Variants in RBMS3 observed in about 807,000 individuals in gnomAD.
RBMS3 encodes RNA binding motif single stranded interacting protein 3, also known as RNA-binding motif, single-stranded-interacting protein 3.
A neutral mutation model predicts 66.8 loss-of-function variants in RBMS3; 27 were observed. The observed-to-expected ratio is 0.40, with a 90% CI of 0.30 to 0.56. RBMS3 has a LOEUF of 0.56. RBMS3 is among the 20% of genes least tolerant of loss of function. The pLI is 0.40. For synonymous variants in RBMS3, 188 were observed against 183.0 expected, an observed-to-expected ratio of 1.03 and a Z score of -0.22; for missense variants, 513 against 549.5, an observed-to-expected ratio of 0.93 and a Z score of 0.66.
intron 4 of RBMS3, among the ~76,000 whole-genome samples, chr3:29,664,991 G>A (rs2050697294): frequency 6.6e-6 from 1 of 152,084 alleles, no homozygotes; most frequent in South Asian, 2.1e-4. Flanking sequence ...AAGCCCAATA[G>A]GAATGGGAAG....
chr3:29,405,383 G>C (rs367768598), intron 1 of RBMS3, among the ~76,000 whole-genome samples: 1 of 152,116 alleles, frequency 6.6e-6, no homozygotes, highest in Non-Finnish European at 1.5e-5. Context: ...ATACTTTTAA[G>C]AATTCTTTAT....
intron 8 of RBMS3, among the ~76,000 whole-genome samples, chr3:29,893,282 A>C (rs2060047785): frequency 6.6e-6 from 1 of 151,300 alleles, no homozygotes; most frequent in South Asian, 2.1e-4. Flanking sequence ...AATGCATTAA[A>C]TTTTCCCCCA....
intron 2 of RBMS3, among the ~76,000 whole-genome samples, chr3:29,466,070 T>C (rs1456687780): frequency 1.3e-5 from 2 of 152,016 alleles, no homozygotes; most frequent in African/African-American, 2.4e-5. Context: ...TCTGTGGTCA[T>C]TCTGGAAGTC....
intron 1 of RBMS3, among the ~76,000 whole-genome samples, chr3:29,343,094 A>G (rs1044663972): frequency 2.0e-5 from 3 of 152,160 alleles, no homozygotes; most frequent in African/African-American, 4.8e-5. Flanking sequence ...ATAAAACTCA[A>G]TTCAGTAATA....
intron 6 of RBMS3, among the ~76,000 whole-genome samples, chr3:29,785,165 A>G (rs1281224515): frequency 6.6e-6 from 1 of 152,120 alleles, no homozygotes; most frequent in Non-Finnish European, 1.5e-5. Flanking sequence ...AAATCAATCT[A>G]TAAAGCCAGT....
At chr3:29,648,948 A>G (rs563523829) in intron 4 of RBMS3, among the ~76,000 whole-genome samples, 7 of 152,246 alleles carry the variant, frequency 4.6e-5, no homozygotes, top group African/African-American at 1.7e-4. Flanking sequence ...TCCCCTCAGA[A>G]CCAATGCAAC....
chr3:29,305,872 T>G (rs1320151925), intron 1 of RBMS3, among the ~76,000 whole-genome samples: 1 of 152,018 alleles, frequency 6.6e-6, no homozygotes, highest in African/African-American at 2.4e-5. Flanking sequence ...TAAAACTACC[T>G]GAAGGAAGTT....
At chr3:29,817,812 A>G (rs1490967861) in intron 6 of RBMS3, among the ~76,000 whole-genome samples, 2 of 152,018 alleles carry the variant, frequency 1.3e-5, no homozygotes, top group East Asian at 1.9e-4. Context: ...ATAGAATATT[A>G]TAAAAAAAAC....
At chr3:29,630,257 G>A (rs1021354997) in intron 4 of RBMS3, among the ~76,000 whole-genome samples, 1 of 152,080 alleles carries the variant, frequency 6.6e-6, no homozygotes, top group African/African-American at 2.4e-5. Flanking sequence ...TTTTAATTCT[G>A]TCGTACAGCA....
intron 10 of RBMS3, among the ~76,000 whole-genome samples, chr3:29,933,424 CTAAGT>C (rs1358896921): frequency 3.9e-5 from 6 of 152,060 alleles, no homozygotes; most frequent in Non-Finnish European, 8.8e-5. Flanking sequence ...CTAAACCTCT[CTAAGT>C]TGTCTGTCCC....
intron 7 of RBMS3, among the ~76,000 whole-genome samples, chr3:29,877,658 C>T (rs767723996): frequency 1.3e-5 from 2 of 152,144 alleles, no homozygotes; most frequent in Non-Finnish European, 2.9e-5. Flanking sequence ...ATCCCTTTAG[C>T]AGGTGAGAGC....
intron 4 of RBMS3, among the ~76,000 whole-genome samples, chr3:29,647,359 G>A (rs540759301): frequency 1.2e-4 from 19 of 152,118 alleles, no homozygotes; most frequent in Non-Finnish European, 2.6e-4. Context: ...TTAACACTTT[G>A]TGGATACTGC....
intron 4 of RBMS3, among the ~76,000 whole-genome samples, chr3:29,637,324 A>T (rs968203163): frequency 6.6e-6 from 1 of 151,632 alleles, no homozygotes. Flanking sequence ...CCATATAGAA[A>T]CCTTAGTTGA....
At chr3:29,571,463 CAG>C (rs1311382734) in intron 3 of RBMS3, among the ~76,000 whole-genome samples, 11 of 152,066 alleles carry the variant, frequency 7.2e-5, no homozygotes, top group African/African-American at 2.7e-4. Context: ...TGGTGAGAGA[CAG>C]GGGTCAAGTC....
intron 1 of RBMS3, among the ~76,000 whole-genome samples, chr3:29,366,284 C>G (rs1471119899): frequency 6.6e-6 from 1 of 152,182 alleles, no homozygotes; most frequent in Non-Finnish European, 1.5e-5. Context: ...GCCATGCAGA[C>G]ATTACCCAAA....
intron 5 of RBMS3, among the ~76,000 whole-genome samples, chr3:29,746,713 C>G (rs2054911775): frequency 6.6e-6 from 1 of 152,054 alleles, no homozygotes; most frequent in African/African-American, 2.4e-5. Flanking sequence ...TTTCAAAACC[C>G]TAACTAACCA....
At chr3:29,327,920 G>GAAATA (rs2035433534) in intron 1 of RBMS3, among the ~76,000 whole-genome samples, 1 of 152,198 alleles carries the variant, frequency 6.6e-6, no homozygotes, top group Non-Finnish European at 1.5e-5. Context: ...TTTTGAGGAT[G>GAAATA]AAATAAAGTG....
In RBMS3 at chr3:29,882,060, C is replaced by T. The variant is rs866247504; in HGVS notation, c.745-2102C>T. 7.8e-4 allele frequency among the ~76,000 whole-genome samples: 119 copies of T among 152,198 alleles called. 1 individual carries two copies. The highest frequency in any genetic ancestry group is 2.6e-3 in the African/African-American group (110 of 41,528). On this transcript the variant is annotated intron_variant, in intron 7 of 14. Transcript: ENST00000383767. ...ACCTGTTTTATTCTGCCTGCAGTGC[C>T]GCATCTTGGATAAATTAGGGGAGAG... is the stretch of plus-strand genomic sequence containing the variant.
chr3:29,354,452 A>G (rs2037097488), intron 1 of RBMS3, among the ~76,000 whole-genome samples: 1 of 152,048 alleles, frequency 6.6e-6, no homozygotes, highest in African/African-American at 2.4e-5. Context: ...CTAGTGGTAA[A>G]TTCTGTGGTA....
Sources: allele counts gnomAD v4.1 joint callset (sites outside exome capture counted in the v4.1 genomes callset), GRCh38; gene constraint gnomAD v4.1.1; transcripts MANE v1.5; gene names NCBI Gene and HGNC (gene_info 2026-07-23, HGNC 2026-07-21).